The following ZNF610 variants were observed in gnomAD, a reference collection of about 807,000 sequenced individuals.
ZNF610 encodes zinc finger protein 610.
Under a neutral mutation model 14.1 loss-of-function variants are expected in ZNF610, and 14 were observed. The ratio of observed to expected loss-of-function variants is 0.99; its 90% CI spans 0.65 to 1.55. ZNF610 has a LOEUF of 1.55. Among genes scored for constraint, ZNF610 ranks in the 40% most tolerant of loss-of-function variants. ZNF610 has a pLI of 0.00. For synonymous variants in ZNF610, 185 were observed against 187.6 expected, an observed-to-expected ratio of 0.99 and a Z score of 0.11; for missense variants, 530 against 558.0, an observed-to-expected ratio of 0.95 and a Z score of 0.51.
rs1280354117 is a variant in ZNF610, at chr19:52,361,195, C to T, written c.320-4503C>T. On this transcript the variant is annotated intron_variant, in intron 5 of 5. Transcript: ENST00000403906. Reference sequence around the variant, plus strand: ...TCTCATTTTCTTTTTTTTTTTTTTCCGAGACAGAGTCTCGCTCTTGTTGCC... The same window carrying T: ...TCTCATTTTCTTTTTTTTTTTTTTCTGAGACAGAGTCTCGCTCTTGTTGCC... Among the ~76,000 whole-genome samples the T allele has an allele frequency of 4.7e-4, 67 of 141,782 alleles. No homozygotes were observed. The Middle Eastern group carries it at 0.011, about 23-fold the overall frequency. 93.0% of individuals were successfully genotyped at this position (141,782 alleles called of 152,430 possible).
intron 5 of ZNF610, among the ~76,000 whole-genome samples, chr19:52,358,691 T>G (rs1469334689): frequency 6.6e-6 from 1 of 152,234 alleles, no homozygotes; most frequent in Non-Finnish European, 1.5e-5. Flanking sequence ...ACCTTCTTTC[T>G]TGTGTTATCA....
rs73934437 is a variant in ZNF610, at chr19:52,363,777, G to A, written c.320-1921G>A. 4.4e-3 allele frequency among the ~76,000 whole-genome samples: 672 copies of A among 152,260 alleles called. 5 individuals are homozygous for A. Among genetic ancestry groups the A allele is most frequent in the African/African-American group, 0.015 (624 of 41,536 alleles). ...TTTAGAGTTAAAGGGAGTCTGTCGT[G>A]GATAGGATTTAGTTGGATCCTGTTT... On this transcript the variant is annotated intron_variant, in intron 5 of 5. Coordinates refer to ENST00000403906, the MANE Select transcript of ZNF610 (RefSeq NM_001161425.2).
chr19:52,338,903 G>C (rs539931717), intron 1 of ZNF610, among the ~76,000 whole-genome samples: 4 of 151,954 alleles, frequency 2.6e-5, no homozygotes, highest in African/African-American at 7.2e-5. Flanking sequence ...GGGGACCGGC[G>C]CTCAGCATAC....
At position 52,366,118 on chromosome 19, in the gene ZNF610, T is replaced by C. The variant is rs373260886; in HGVS notation, c.740T>C (p.Leu247Pro). ...CGKVFSRNSH[L>P]VEHWRIHTGQ... ...AAGGTCTTCAGTCGCAATTCACACC[T>C]TGTAGAACATTGGAGAATTCATACT... Residue 247 changes from leucine to proline, a missense_variant, in exon 6 of 6, where the codon CTT (leucine) becomes CCT (proline). Physicochemically the swap from Leu to Pro is moderately conservative, Grantham distance 98. Transcript: ENST00000403906. 2.2e-4 allele frequency: 354 copies of C among 1,614,074 alleles called. No individual in the cohort carries two copies. The highest frequency in any genetic ancestry group is 2.6e-4 in the Non-Finnish European group (301 of 1,179,998).
intron 1 of ZNF610, among the ~76,000 whole-genome samples, chr19:52,338,929 G>GCCCGGTCTCTGAGTT (rs76250317): frequency 6.6e-6 from 1 of 151,948 alleles, no homozygotes; most frequent in East Asian, 2.0e-4. Context: ...ACCCGCGCCG[G>GCCCGGTCTCTGAGTT]CCCGGTCTCT....
upstream of ZNF610, among the ~76,000 whole-genome samples, chr19:52,331,625 G>A (rs1052766863): frequency 1.3e-5 from 2 of 152,144 alleles, no homozygotes; most frequent in South Asian, 2.1e-4. Context: ...GGTTTGCTGA[G>A]GGACATGTCT....
chr19:52,359,242 C>A (rs1219216733), intron 5 of ZNF610, among the ~76,000 whole-genome samples: 1 of 151,976 alleles, frequency 6.6e-6, no homozygotes, highest in Non-Finnish European at 1.5e-5. Context: ...GACATCTTAA[C>A]CTTAAGACTT....
chr19:52,351,138 CAT>C (rs1191010931), intron 3 of ZNF610, among the ~76,000 whole-genome samples: 4 of 152,088 alleles, frequency 2.6e-5, no homozygotes, highest in Non-Finnish European at 4.4e-5. Flanking sequence ...TTTACATCCT[CAT>C]GTGAACGTTC....
At chr19:52,343,466 G>C (rs565044870) in intron 1 of ZNF610, among the ~76,000 whole-genome samples, 1 of 133,444 alleles carries the variant, frequency 7.5e-6, no homozygotes, top group East Asian at 2.1e-4. Context: ...TACTCCAGGA[G>C]GCTGAGGCAG....
Position 52,353,704 on chromosome 19 carries a change from T to TG in ZNF610, c.88dup (p.Ala30GlyfsTer40). 6.2e-7 allele frequency: 1 copy of TG among 1,613,946 alleles called. No homozygotes were observed. Among genetic ancestry groups the TG allele is most frequent in the East Asian group, 2.2e-5 (1 of 44,864 alleles). On this transcript the variant is annotated frameshift_variant, in exon 4 of 6. Coordinates refer to ENST00000403906, the MANE Select transcript of ZNF610 (RefSeq NM_001161425.2). LOFTEE classifies it high-confidence loss of function. Reference sequence around the variant, plus strand: ...TAGGGACGCTTGACATTCATGGACGTGGCCATCGAATTCTCTCAGGAGGAG... The same window carrying TG: ...TAGGGACGCTTGACATTCATGGACGTGGGCCATCGAATTCTCTCAGGAGGAG...
chr19:52,365,936 C>T lies in ZNF610; in HGVS notation c.558C>T (p.Phe186=). The part of the protein sequence containing the change: ...FNKYRNDLID[F]PLLPQEEKAY... ...AATATAGAAATGATCTTATTGATTTCCCATTACTCCCACAAGAAGAGAAAG... is the reference window on the plus strand; with the variant it reads ...AATATAGAAATGATCTTATTGATTTTCCATTACTCCCACAAGAAGAGAAAG... The change falls in exon 6 of 6, where the codon TTC becomes TTT. Residue 186 remains phenylalanine (F), a synonymous_variant. Transcript: ENST00000403906. The T allele has an allele frequency of 6.2e-7, 1 of 1,613,052 alleles. No individual in the cohort carries two copies. Among genetic ancestry groups the T allele is most frequent in the Non-Finnish European group, 8.5e-7 (1 of 1,179,616 alleles).
intron 1 of ZNF610, among the ~76,000 whole-genome samples, chr19:52,340,105 A>T (rs962792352): frequency 6.6e-6 from 1 of 152,238 alleles, no homozygotes; most frequent in African/African-American, 2.4e-5. Context: ...CGTGCCACAG[A>T]ACTGGTCAGC....
chr19:52,334,455 G>T (rs1287729693), upstream of ZNF610, among the ~76,000 whole-genome samples: 1 of 149,538 alleles, frequency 6.7e-6, no homozygotes, highest in African/African-American at 2.5e-5. Flanking sequence ...GGAGGTTGCA[G>T]TGAGCTGAGA....
Position 52,366,009 on chromosome 19 carries a change from G to A in ZNF610, c.631G>A (p.Glu211Lys), listed in dbSNP as rs1214021657. ...SYEYECSEDG[E>K]VFRVRASLTN... ...TGAATATGAATGTAGTGAAGATGGT[G>A]AAGTTTTTAGAGTCCGTGCAAGCCT... Residue 211 changes from glutamate to lysine, a missense_variant, in exon 6 of 6, where the codon GAA becomes AAA. Transcript: ENST00000403906. 1.5e-5 allele frequency: 24 copies of A among 1,613,974 alleles called. No homozygotes were observed. Among genetic ancestry groups the A allele is most frequent in the Non-Finnish European group, 2.0e-5 (24 of 1,180,020 alleles).
chr19:52,338,544 G>T (rs1159254186), intron 1 of ZNF610, among the ~76,000 whole-genome samples: 1 of 152,092 alleles, frequency 6.6e-6, no homozygotes, highest in African/African-American at 2.4e-5. Flanking sequence ...AATTAGCTGC[G>T]CATGGTGGCG....
At position 52,366,255 on chromosome 19, in the gene ZNF610, T is replaced by C. The variant is rs1292957174; in HGVS notation, c.877T>C (p.Cys293Arg). The C allele has an allele frequency of 1.9e-6, 3 of 1,613,296 alleles. No homozygotes were observed. Among genetic ancestry groups the C allele is most frequent in the East Asian group, 2.2e-5 (1 of 44,844 alleles). The change falls in exon 6 of 6, where the codon TGT becomes CGT. Residue 293 changes from cysteine (C) to arginine (R), a missense_variant. Coordinates refer to ENST00000403906, the MANE Select transcript of ZNF610 (RefSeq NM_001161425.2). Reference protein sequence around the residue: ...TGEKPHKCNECGKAFRECSGL... With the variant: ...TGEKPHKCNERGKAFRECSGL... ...AGAGAAGCCTCACAAATGTAACGAA[T>C]GTGGCAAAGCTTTTAGAGAGTGTTC...
chr19:52,330,250 A>T, the ZNF610 span: 2 of 150,142 alleles, frequency 1.3e-5, no homozygotes, highest in Admixed American at 1.3e-4. Flanking sequence ...GAATTTTCTG[A>T]CATAAGCACT....
chr19:52,346,084 C>T (rs557899217), intron 1 of ZNF610, among the ~76,000 whole-genome samples: 4 of 151,502 alleles, frequency 2.6e-5, no homozygotes, highest in African/African-American at 4.9e-5. Context: ...CTGCAACCTC[C>T]GCTTTCTGGG....
intron 3 of ZNF610, among the ~76,000 whole-genome samples, chr19:52,353,168 G>T (rs1568650623): frequency 6.6e-6 from 1 of 152,148 alleles, no homozygotes; most frequent in Non-Finnish European, 1.5e-5. Context: ...TCAAACTCCT[G>T]ACCTCAGGTG....
Sources: allele counts gnomAD v4.1 joint callset (sites outside exome capture counted in the v4.1 genomes callset), GRCh38; gene constraint gnomAD v4.1.1; transcripts MANE v1.5; gene names NCBI Gene and HGNC (gene_info 2026-07-23, HGNC 2026-07-21).